The following FGF12 variants were observed in gnomAD, a reference collection of about 807,000 sequenced individuals.
FGF12 encodes the protein fibroblast growth factor 12.
A neutral mutation model predicts 23.6 loss-of-function variants in FGF12; 14 were observed. The observed-to-expected ratio is 0.59, with a 90% CI of 0.39 to 0.93. The LOEUF is 0.93. FGF12 is among the 40% of genes least tolerant of loss of function. The pLI, the probability that FGF12 is intolerant of heterozygous loss-of-function variation, is 0.00. For missense variants in FGF12, 175 were observed against 217.8 expected (o/e 0.80, Z 1.24); for synonymous variants, 62 against 77.3 (o/e 0.80, Z 1.04).
At chr3:192,594,346 A>C (rs1265949703) in intron 2 of FGF12, among the ~76,000 whole-genome samples, 2 of 151,894 alleles carry the variant, frequency 1.3e-5, no homozygotes, top group African/African-American at 4.8e-5. Context: ...TAAAGAAAAA[A>C]TTTCACATAT....
intron 4 of FGF12, among the ~76,000 whole-genome samples, chr3:192,319,530 G>A (rs904879239): frequency 3.3e-5 from 5 of 152,128 alleles, no homozygotes; most frequent in Non-Finnish European, 7.3e-5. Flanking sequence ...CTGGGAGGCG[G>A]AGGTTGCAGT....
chr3:192,253,140 A>G (rs533861688), intron 4 of FGF12, among the ~76,000 whole-genome samples: 82 of 152,268 alleles, frequency 5.4e-4, no homozygotes, highest in African/African-American at 1.9e-3. Flanking sequence ...ATGAGGAGAT[A>G]TGGTTTGATT....
chr3:192,652,604 G>A lies in FGF12; in HGVS notation c.13+74577C>T, dbSNP rs967448519. ...TGTGGTGCCCAAATCAACAGCCTTG[G>A]TATTATCTGGTAACTTGTGAGAAAT... On this transcript the variant is annotated intron_variant, in intron 2 of 5. Transcript: ENST00000445105. Among the ~76,000 whole-genome samples, 24 of 152,146 alleles carry A rather than the reference G, an allele frequency of 1.6e-4. 1 individual carries two copies. The highest frequency in any genetic ancestry group is 8.8e-5 in the Non-Finnish European group (6 of 68,024).
At chr3:192,155,032 G>A (rs572690130) in intron 5 of FGF12, among the ~76,000 whole-genome samples, 5,965 of 149,528 alleles carry the variant, frequency 0.04, 163 homozygotes, top group South Asian at 0.056. Flanking sequence ...CGTTTTTTAA[G>A]CCGGTCTGAA....
At chr3:192,260,425 C>T (rs1468222991) in intron 4 of FGF12, among the ~76,000 whole-genome samples, 3 of 152,150 alleles carry the variant, frequency 2.0e-5, no homozygotes, top group African/African-American at 7.2e-5. Flanking sequence ...GGATTCTGTT[C>T]ATCCCCAACT....
chr3:192,221,670 G>C (rs1418253213), intron 4 of FGF12, among the ~76,000 whole-genome samples: 1 of 151,880 alleles, frequency 6.6e-6, no homozygotes, highest in Non-Finnish European at 1.5e-5. Flanking sequence ...AATATGCATG[G>C]GTAATATAAA....
chr3:192,384,482 C>A (rs780276892), intron 2 of FGF12, among the ~76,000 whole-genome samples: 1 of 152,146 alleles, frequency 6.6e-6, no homozygotes, highest in Non-Finnish European at 1.5e-5. Flanking sequence ...GAAGAAATAA[C>A]ATCTTCATTC....
chr3:192,253,926 T>A (rs1712203458), intron 4 of FGF12, among the ~76,000 whole-genome samples: 1 of 152,100 alleles, frequency 6.6e-6, no homozygotes, highest in Non-Finnish European at 1.5e-5. Context: ...ATAAAAAATG[T>A]ATATATTTAT....
intron 4 of FGF12, among the ~76,000 whole-genome samples, chr3:192,298,708 C>T (rs1335668039): frequency 2.6e-5 from 4 of 152,128 alleles, no homozygotes; most frequent in Non-Finnish European, 5.9e-5. Flanking sequence ...CGTGCCACTG[C>T]ACTCCAGCCT....
chr3:192,379,421 T>TA (rs74271639), intron 2 of FGF12, among the ~76,000 whole-genome samples: 14,172 of 96,082 alleles, frequency 0.15, 1,032 homozygotes, highest in East Asian at 0.31. Context: ...GAAACTGCTC[T>TA]AAAAAAAAAA....
At chr3:192,667,485 C>T (rs187823852) in intron 2 of FGF12, among the ~76,000 whole-genome samples, 18 of 151,738 alleles carry the variant, frequency 1.2e-4, no homozygotes, top group African/African-American at 4.3e-4. Flanking sequence ...TGGCGTGTAC[C>T]TGTAGTCTCA....
chr3:192,671,001 C>T (rs528908593), intron 2 of FGF12, among the ~76,000 whole-genome samples: 1 of 152,260 alleles, frequency 6.6e-6, no homozygotes, highest in Non-Finnish European at 1.5e-5. Context: ...ATGGTAATCT[C>T]AGGGAATCAC....
At chr3:192,548,969 G>C (rs1480454357) in intron 2 of FGF12, among the ~76,000 whole-genome samples, 2 of 152,082 alleles carry the variant, frequency 1.3e-5, no homozygotes, top group African/African-American at 4.8e-5. Context: ...ATCAAAAAAA[G>C]TCTTTCATAG....
intron 3 of FGF12, among the ~76,000 whole-genome samples, chr3:192,352,274 G>C (rs892838082): frequency 6.6e-6 from 1 of 152,162 alleles, no homozygotes; most frequent in Non-Finnish European, 1.5e-5. Flanking sequence ...GCTTTCATTA[G>C]CAAATGTGAG....
intron 4 of FGF12, among the ~76,000 whole-genome samples, chr3:192,232,172 T>A (rs1436959520): frequency 6.6e-6 from 1 of 152,170 alleles, no homozygotes; most frequent in Non-Finnish European, 1.5e-5. Flanking sequence ...CCCACTACAG[T>A]GAAAGACATT....
intron 2 of FGF12, among the ~76,000 whole-genome samples, chr3:192,524,374 A>G (rs1560139234): frequency 6.6e-6 from 1 of 152,166 alleles, no homozygotes; most frequent in African/African-American, 2.4e-5. Context: ...TTTACAGTAA[A>G]CTCTGAGCTT....
chr3:192,403,838 G>T (rs767133528), intron 2 of FGF12, among the ~76,000 whole-genome samples: 2 of 151,880 alleles, frequency 1.3e-5, no homozygotes, highest in African/African-American at 4.8e-5. Context: ...CTTCCTCTAT[G>T]CAAAAGGATA....
rs1310618864 is a variant in FGF12, at chr3:192,409,890, T to C, written c.14-49352A>G. Among the ~76,000 whole-genome samples, 1 of 151,242 alleles carries C rather than the reference T, an allele frequency of 6.6e-6. No individual in the cohort carries two copies. The highest frequency in any genetic ancestry group is 1.5e-5 in the Non-Finnish European group (1 of 67,784). ...CGGGTGGCCGCTCAGAGCCGCGGGC[T>C]TGCGGGGCGCCCCCCGCCGCCGCGC... On this transcript the variant is annotated intron_variant, in intron 2 of 5. Transcript: ENST00000445105. This position sits in a 1 kb window ranked among gnomAD's most constrained non-coding sequence, Gnocchi z 4.8.
chr3:192,623,119 T>C (rs1715036219), intron 2 of FGF12, among the ~76,000 whole-genome samples: 1 of 152,188 alleles, frequency 6.6e-6, no homozygotes, highest in Non-Finnish European at 1.5e-5. Flanking sequence ...CTAGAGGTTA[T>C]GGTAGATAAA....
Sources: gnomAD v4.1 joint callset for allele counts (sites outside exome capture counted in the v4.1 genomes callset) on GRCh38, gnomAD v4.1.1 for gene constraint, Gnocchi (gnomAD v3.1) non-coding constraint, MANE v1.5 for transcripts, NCBI Gene and HGNC (gene_info 2026-07-23, HGNC 2026-07-21) for gene names.